The following ATP1B2 variants were observed in gnomAD, a reference collection of about 807,000 sequenced individuals.
ATP1B2 encodes the protein ATPase Na+/K+ transporting subunit beta 2.
In ATP1B2, 12 loss-of-function variants were observed where a neutral mutation model predicts 37.3. The ratio of observed to expected loss-of-function variants is 0.32; its 90% confidence interval spans 0.21 to 0.52. The LOEUF is 0.52. ATP1B2 is among the 20% of genes least tolerant of loss of function. The pLI, the probability that ATP1B2 is intolerant of heterozygous loss-of-function variation, is 0.96. For missense variants in ATP1B2, 324 were observed against 391.6 expected, an observed-to-expected ratio of 0.83 and a Z score of 1.46; for synonymous variants, 139 against 140.5, an observed-to-expected ratio of 0.99 and a Z score of 0.07.
chr17:7,655,255 G>T lies in ATP1B2; in HGVS notation c.610-272G>T. On this transcript the variant is annotated intron_variant, in intron 5 of 6. Coordinates refer to ENST00000250111, the MANE Select transcript of ATP1B2 (RefSeq NM_001678.5). The surrounding 1 kb of genome is among the most constrained non-coding windows in gnomAD (Gnocchi z 4.4). The stretch of plus-strand genomic sequence containing the variant: ...CTCCAGAAACTGATTCCTGAGGATG[G>T]GGTAAGAACTTGGGGTAGGAGTGGA... 2 of 524,982 alleles carry T rather than the reference G, an allele frequency of 3.8e-6. No individual in the cohort carries two copies. Among genetic ancestry groups the T allele is most frequent in the South Asian group, 4.9e-5 (2 of 40,756 alleles). 32.5% of individuals were successfully genotyped at this position (524,982 alleles called of 1,614,324 possible). A position where few individuals can be genotyped will look rare whatever the true frequency, so the allele number is the denominator to read the frequency against.
In ATP1B2 at chr17:7,654,276, C is replaced by T. The variant is rs755496609; in HGVS notation, c.552+19C>T. On this transcript the variant is annotated intron_variant, in intron 4 of 6. Coordinates refer to ENST00000250111, the MANE Select transcript of ATP1B2 (RefSeq NM_001678.5). The surrounding 1 kb of genome is among the most constrained non-coding windows in gnomAD (Gnocchi z 4.9). ...GAACCGGGTATCTATGACCTTGGTC[C>T]CCAGGGTGAATGGAGGAAGGATCTG... 41 of 1,612,742 alleles carry T rather than the reference C, an allele frequency of 2.5e-5. No individual in the cohort carries two copies. The highest frequency in any genetic ancestry group is 2.5e-5 in the Non-Finnish European group (29 of 1,179,252).
chr17:7,651,698 C>G, intron 1 of ATP1B2, 68 bp downstream of exon 1: 1 of 1,393,322 alleles, frequency 7.2e-7, no homozygotes, highest in Non-Finnish European at 9.7e-7. Flanking sequence ...CGCAGGGTCC[C>G]GCCGACGCGG....
chr17:7,657,612 C>T lies in ATP1B2; in HGVS notation c.*1717C>T, dbSNP rs1295815685. The T allele has an allele frequency of 2.0e-5, 3 of 152,544 alleles. No homozygotes were observed. The highest frequency in any genetic ancestry group is 4.4e-5 in the Non-Finnish European group (3 of 68,044). The allele number at this position is 152,544 out of a possible 1,614,324, so 9.4% of individuals were successfully genotyped here. ...CCCTTCCCTTTTTCTCTAGCTGGAT[C>T]TGTGTTTCTTCCCTTCGGGCCCCCA... On this transcript the variant is annotated 3_prime_UTR_variant, in exon 7 of 7. Coordinates refer to ENST00000250111, the MANE Select transcript of ATP1B2 (RefSeq NM_001678.5).
In ATP1B2 at chr17:7,655,915, A is replaced by C; in HGVS notation, c.*20A>C. The C allele has an allele frequency of 6.2e-7, 1 of 1,612,486 alleles. No individual in the cohort carries two copies. The highest frequency in any genetic ancestry group is 1.3e-5 in the African/African-American group (1 of 74,840). ...ACCTGAGGCCCCTTCCTCCCACCCCATCTCTCTCCTGTGGATGCTCCTGGA... is the reference window on the plus strand; with the variant it reads ...ACCTGAGGCCCCTTCCTCCCACCCCCTCTCTCTCCTGTGGATGCTCCTGGA... On this transcript the variant is annotated 3_prime_UTR_variant, in exon 7 of 7. Transcript: ENST00000250111. The surrounding 1 kb of genome is among the most constrained non-coding windows in gnomAD (Gnocchi z 4.4).
In ATP1B2 at chr17:7,654,523, A is replaced by G. The variant is rs899837662; in HGVS notation, c.553-105A>G. 1.9e-5 allele frequency: 24 copies of G among 1,271,088 alleles called. No individual in the cohort carries two copies. Among genetic ancestry groups the G allele is most frequent in the Middle Eastern group, 3.7e-4 (2 of 5,378 alleles). The allele number at this position is 1,271,088 out of a possible 1,614,324, so 78.7% of individuals were successfully genotyped here. A position where few individuals can be genotyped will look rare whatever the true frequency, so the allele number is the denominator to read the frequency against. On this transcript the variant is annotated intron_variant, in intron 4 of 6. Transcript: ENST00000250111. The surrounding 1 kb of genome is among the most constrained non-coding windows in gnomAD (Gnocchi z 4.9). ...GGAATTAAGCTATCCTCCCGCCTCA[A>G]CCTCCCTAGTAGTTGGGACTACAGT... is the stretch of plus-strand genomic sequence containing the variant.
In ATP1B2 at chr17:7,654,554, G is replaced by A; in HGVS notation, c.553-74G>A. ...CTAGTAGTTGGGACTACAGTCCCCGGCTTAGCTTGGTCTGGATGCCCATCT... is the reference window on the plus strand; with the variant it reads ...CTAGTAGTTGGGACTACAGTCCCCGACTTAGCTTGGTCTGGATGCCCATCT... On this transcript the variant is annotated intron_variant, in intron 4 of 6. Coordinates refer to ENST00000250111, the MANE Select transcript of ATP1B2 (RefSeq NM_001678.5). This position sits in a 1 kb window ranked among gnomAD's most constrained non-coding sequence, Gnocchi z 4.9. The A allele has an allele frequency of 3.3e-6, 5 of 1,512,848 alleles. No homozygotes were observed. Among genetic ancestry groups the A allele is most frequent in the Non-Finnish European group, 4.6e-6 (5 of 1,088,416 alleles). The allele number at this position is 1,512,848 out of a possible 1,614,324, so 93.7% of individuals were successfully genotyped here.
At chr17:7,650,647 T>C (rs970921446), upstream of ATP1B2, among the ~76,000 whole-genome samples, 1 of 151,992 alleles carries the variant, frequency 6.6e-6, no homozygotes, top group Non-Finnish European at 1.5e-5. Context: ...CTCTCTGCCG[T>C]TGTGTTTCTC....
At chr17:7,649,355 T>A (rs2072594439), upstream of ATP1B2, among the ~76,000 whole-genome samples, 1 of 152,126 alleles carries the variant, frequency 6.6e-6, no homozygotes, top group Non-Finnish European at 1.5e-5. Flanking sequence ...ATTACAGGCA[T>A]GAGCCACTGG....
chr17:7,654,683 A>G lies in ATP1B2; in HGVS notation c.608A>G (p.Lys203Arg). The G allele has an allele frequency of 6.2e-7, 1 of 1,614,170 alleles. No individual in the cohort carries two copies. Among genetic ancestry groups the G allele is most frequent in the Non-Finnish European group, 8.5e-7 (1 of 1,180,002 alleles). The change falls in exon 5 of 7, where the codon AAG (lysine) becomes AGG (arginine). Residue 203 changes from lysine to arginine, a missense_variant and splice_region_variant. Transcript: ENST00000250111. This position sits in a 1 kb window ranked among gnomAD's most constrained non-coding sequence, Gnocchi z 4.9. ...NQSMNVTCAG[K>R]RDEDAENLGN... The stretch of plus-strand genomic sequence containing the variant: ...AGCATGAATGTTACCTGTGCTGGGA[A>G]GGTGAGTTCGTTGGGCCTTGTCTGC...
rs753746251 is a variant in ATP1B2, at chr17:7,655,805, T to C, written c.783T>C (p.Cys261=). 32 of 1,613,974 alleles carry C rather than the reference T, an allele frequency of 2.0e-5. No individual in the cohort carries two copies. The highest frequency in any genetic ancestry group is 2.3e-5 in the Non-Finnish European group (27 of 1,180,040). ...VTPNVEVNVE[C]RINAANIATD... is the part of the protein sequence containing the mutation. The stretch of plus-strand genomic sequence containing the variant: ...CCAACGTGGAGGTGAATGTAGAATG[T>C]CGCATCAACGCCGCCAACATCGCCA... The change falls in exon 7 of 7, where the codon TGT becomes TGC. Residue 261 remains cysteine, a synonymous_variant. Transcript: ENST00000250111. This position sits in a 1 kb window ranked among gnomAD's most constrained non-coding sequence, Gnocchi z 4.4.
upstream of ATP1B2, among the ~76,000 whole-genome samples, chr17:7,648,567 C>CAAAAAAAAAA (rs58333874): frequency 1.4e-5 from 1 of 69,752 alleles, no homozygotes. Flanking sequence ...ACTCTGTCTC[C>CAAAAAAAAAA]AAAAAAAAAA....
At chr17:7,648,083 T>C (rs2072586188), upstream of ATP1B2, among the ~76,000 whole-genome samples, 2 of 150,678 alleles carry the variant, frequency 1.3e-5, no homozygotes, top group African/African-American at 4.9e-5. Context: ...CTAGTAAAAA[T>C]ACAAAAATTA....
chr17:7,649,473 C>T (rs144591431), upstream of ATP1B2, among the ~76,000 whole-genome samples: 104 of 152,068 alleles, frequency 6.8e-4, no homozygotes, highest in African/African-American at 2.3e-3. Context: ...CTGCAAGCTC[C>T]GCCTCCCGGG....
Position 7,656,081 on chromosome 17 carries a change from C to T in ATP1B2, c.*186C>T, listed in dbSNP as rs1365406199. ...AGTCCATTGCGGTTCCGTCACTCGC[C>T]TTTCCCACCAACTTCTCCCAACCTC... On this transcript the variant is annotated 3_prime_UTR_variant, in exon 7 of 7. Coordinates refer to ENST00000250111, the MANE Select transcript of ATP1B2 (RefSeq NM_001678.5). 1.7e-5 allele frequency: 13 copies of T among 770,320 alleles called. No homozygotes were observed. In the Admixed American group the frequency reaches 3.7e-4, roughly 22 times the overall value. The allele number at this position is 770,320 out of a possible 1,614,324, so 47.7% of individuals were successfully genotyped here. A position where few individuals can be genotyped will look rare whatever the true frequency, so the allele number is the denominator to read the frequency against.
In ATP1B2 at chr17:7,654,096, C is replaced by A. The variant is rs746382385; in HGVS notation, c.391C>A (p.Pro131Thr). Residue 131 changes from proline to threonine, a missense_variant, in exon 4 of 7, where the codon CCT (proline) becomes ACT (threonine). Physicochemically the swap from Pro to Thr is conservative, Grantham distance 38 (BLOSUM62 -1). Transcript: ENST00000250111. The surrounding 1 kb of genome is among the most constrained non-coding windows in gnomAD (Gnocchi z 4.9). ...AGCCCAAAAGAATGATGTCTGCCGCCCTGGACGCTATTACGAACAGCCAGA... is the reference window on the plus strand; with the variant it reads ...AGCCCAAAAGAATGATGTCTGCCGCACTGGACGCTATTACGAACAGCCAGA... ...IQAQKNDVCR[P>T]GRYYEQPDNG... The A allele has an allele frequency of 6.2e-6, 10 of 1,614,058 alleles. No individual in the cohort carries two copies. In the African/African-American group the frequency reaches 1.2e-4, roughly 19 times the overall value.
At chr17:7,653,616 G>A (rs569235346) in intron 2 of ATP1B2, 114 bp downstream of exon 2, 47 of 1,482,180 alleles carry the variant, frequency 3.2e-5, no homozygotes, top group Admixed American at 8.6e-5. Context: ...CAATCCCCAC[G>A]TGCTTGGAAG....
intron 2 of ATP1B2, 21 bp from the exon 3 acceptor site, chr17:7,653,819 CT>C: frequency 6.2e-7 from 1 of 1,611,070 alleles, no homozygotes. Flanking sequence ...ATACCCCCAA[CT>C]TCTGCCTTTG....
Position 7,654,345 on chromosome 17 carries a change from T to C in ATP1B2, c.552+88T>C. On this transcript the variant is annotated intron_variant, in intron 4 of 6. Transcript: ENST00000250111. The surrounding 1 kb of genome is among the most constrained non-coding windows in gnomAD (Gnocchi z 4.9). ...AATTGCATCCTTTCACTGGGGCTAATGGGCATGAGAAAGACTTGGATGTTT... is the reference window on the plus strand; with the variant it reads ...AATTGCATCCTTTCACTGGGGCTAACGGGCATGAGAAAGACTTGGATGTTT... 1.4e-6 allele frequency: 2 copies of C among 1,435,398 alleles called. No homozygotes were observed. The highest frequency in any genetic ancestry group is 3.4e-5 in the Admixed American group (2 of 58,268). The allele number at this position is 1,435,398 out of a possible 1,614,324, so 88.9% of individuals were successfully genotyped here. A position where few individuals can be genotyped will look rare whatever the true frequency, so the allele number is the denominator to read the frequency against.
In ATP1B2 at chr17:7,655,510, T is replaced by G. The variant is rs1425241414; in HGVS notation, c.610-17T>G. On this transcript the variant is annotated splice_polypyrimidine_tract_variant and intron_variant, in intron 5 of 6. Transcript: ENST00000250111. This position sits in a 1 kb window ranked among gnomAD's most constrained non-coding sequence, Gnocchi z 4.4. The stretch of plus-strand genomic sequence containing the variant: ...ATCCCTAACTGGCTCACCCCCTATC[T>G]TCCTGCACCCCCACAGCGAGATGAA... The G allele has an allele frequency of 6.2e-7, 1 of 1,613,974 alleles. No individual in the cohort carries two copies.
Sources: gnomAD v4.1 joint callset for allele counts (sites outside exome capture counted in the v4.1 genomes callset) on GRCh38, gnomAD v4.1.1 for gene constraint, Gnocchi (gnomAD v3.1) non-coding constraint, MANE v1.5 for transcripts, NCBI Gene and HGNC (gene_info 2026-07-23, HGNC 2026-07-21) for gene names.